The following CPNE4 variants were observed in gnomAD, a reference collection of about 807,000 sequenced individuals.
The protein encoded by CPNE4 is copine 4.
A neutral mutation model predicts 67.9 loss-of-function variants in CPNE4; 25 were observed. The ratio of observed to expected loss-of-function variants is 0.37; its 90% CI spans 0.27 to 0.51. The LOEUF (loss-of-function observed/expected upper bound fraction) is 0.51, where lower values mean the gene tolerates loss of function less well. Ranked by LOEUF, CPNE4 falls within the 20% of genes least tolerant of loss-of-function variation. The probability of loss-of-function intolerance (pLI) is 0.93; values close to 1 mark genes in which losing one functional copy is unlikely to be tolerated. For missense variants in CPNE4, 464 were observed against 690.8 expected, an observed-to-expected ratio of 0.67 and a Z score of 3.68; for synonymous variants, 242 against 244.9, an observed-to-expected ratio of 0.99 and a Z score of 0.11.
At chr3:131,789,098 T>A (rs1253011461) in intron 2 of CPNE4, among the ~76,000 whole-genome samples, 4 of 151,014 alleles carry the variant, frequency 2.6e-5, no homozygotes, top group Admixed American at 2.0e-4. Context: ...AAAGGAAACT[T>A]CCACCTGGTC....
chr3:131,564,475 A>G (rs1193215258), intron 10 of CPNE4, 126 bp from the exon 11 acceptor site: 1 of 839,330 alleles, frequency 1.2e-6, no homozygotes, highest in Admixed American at 2.9e-5. Flanking sequence ...CCTGCCAATA[A>G]AGAAAGAGAA....
At chr3:131,635,365 GT>G (rs1189188864) in intron 7 of CPNE4, among the ~76,000 whole-genome samples, 1 of 152,040 alleles carries the variant, frequency 6.6e-6, no homozygotes, top group Non-Finnish European at 1.5e-5. Flanking sequence ...CAATTTCTAA[GT>G]TTTCTAAATA....
chr3:131,819,491 TACAC>T (rs5852655), intron 2 of CPNE4, among the ~76,000 whole-genome samples: 34,533 of 146,126 alleles, frequency 0.24, 4,315 homozygotes, highest in Middle Eastern at 0.32. Context: ...CACACACAGA[TACAC>T]ACACACACAC....
At chr3:131,741,069 T>C (rs80143381) in intron 2 of CPNE4, among the ~76,000 whole-genome samples, 4,176 of 152,322 alleles carry the variant, frequency 0.027, 80 homozygotes, top group Non-Finnish European at 0.044. Flanking sequence ...GTAACATTAA[T>C]ATCTCCCTCT....
At chr3:132,005,342 TACACAC>T (rs71639016) in intron 1 of CPNE4, among the ~76,000 whole-genome samples, 22,562 of 84,818 alleles carry the variant, frequency 0.27, 3,672 homozygotes, top group East Asian at 0.48. Context: ...TATATATATA[TACACAC>T]ACACACACAC....
chr3:131,666,183 A>G (rs1162445400), intron 7 of CPNE4, among the ~76,000 whole-genome samples: 2 of 152,208 alleles, frequency 1.3e-5, no homozygotes, highest in African/African-American at 4.8e-5. Flanking sequence ...AAGAGACAGG[A>G]ATGGAAGTTA....
At chr3:131,623,520 T>C (rs1467567791) in intron 7 of CPNE4, among the ~76,000 whole-genome samples, 1 of 152,190 alleles carries the variant, frequency 6.6e-6, no homozygotes, top group Non-Finnish European at 1.5e-5. Context: ...TGACTAGACT[T>C]CACCTCCTTA....
In CPNE4 at chr3:131,596,665, A is replaced by G. The variant is rs148119310; in HGVS notation, c.682-9083T>C. ...AAAAAAAAAAAAATTAAGTAAAGCA[A>G]ATTTTTTTCAATAATCTGGATGGGC... On this transcript the variant is annotated intron_variant, in intron 7 of 15. Transcript: ENST00000429747. Among the ~76,000 whole-genome samples the G allele has an allele frequency of 2.1e-4, 31 of 151,138 alleles. 1 individual carries two copies. The highest frequency in any genetic ancestry group is 5.8e-4 in the African/African-American group (24 of 41,114).
At chr3:131,801,434 G>A (rs1434094641) in intron 2 of CPNE4, among the ~76,000 whole-genome samples, 1 of 88,466 alleles carries the variant, frequency 1.1e-5, no homozygotes, top group Admixed American at 1.1e-4. Context: ...GTGTGTGTGT[G>A]TGTGTGTGTG....
intron 3 of CPNE4, among the ~76,000 whole-genome samples, chr3:131,717,965 T>TTCTCTCTCTCTGTCTCTC (rs1470965301): frequency 2.7e-5 from 4 of 149,366 alleles, no homozygotes; most frequent in African/African-American, 1.0e-4. Flanking sequence ...CTCTCTTTCT[T>TTCTCTCTCTCTGTCTCTC]TCTCTCTCTC....
At chr3:131,607,758 A>G (rs1184003201) in intron 7 of CPNE4, among the ~76,000 whole-genome samples, 2 of 152,190 alleles carry the variant, frequency 1.3e-5, no homozygotes, top group South Asian at 2.1e-4. Flanking sequence ...CCTCAAATAC[A>G]TTTGGATTAC....
intron 1 of CPNE4, among the ~76,000 whole-genome samples, chr3:131,952,396 T>C (rs1419225437): frequency 2.9e-5 from 4 of 135,652 alleles, no homozygotes; most frequent in Non-Finnish European, 4.8e-5. Context: ...GTGAGGAGCC[T>C]CTCCGCCCGG....
chr3:131,950,256 A>T (rs73871538), intron 1 of CPNE4, among the ~76,000 whole-genome samples: 255 of 152,364 alleles, frequency 1.7e-3, no homozygotes, highest in African/African-American at 5.6e-3. Flanking sequence ...CAGTGAACTC[A>T]CAGCCACTTA....
At chr3:131,948,429 G>A (rs2071623970) in intron 1 of CPNE4, among the ~76,000 whole-genome samples, 1 of 152,196 alleles carries the variant, frequency 6.6e-6, no homozygotes, top group African/African-American at 2.4e-5. Context: ...CCCCAGCAAT[G>A]CGGAACTGTG....
At chr3:131,914,484 T>C (rs1286877874) in intron 1 of CPNE4, among the ~76,000 whole-genome samples, 4 of 152,158 alleles carry the variant, frequency 2.6e-5, no homozygotes, top group African/African-American at 9.7e-5. Flanking sequence ...GAGAGTCCTT[T>C]ATTTTGTAAA....
At chr3:131,538,927 T>C (rs578043919) in intron 15 of CPNE4, 2 of 152,352 alleles carry the variant, frequency 1.3e-5, no homozygotes, top group Admixed American at 1.3e-4. Flanking sequence ...ATGAGCCAAA[T>C]ACACTTCTGT....
At chr3:131,653,281 A>T (rs2079859828) in intron 7 of CPNE4, among the ~76,000 whole-genome samples, 1 of 150,724 alleles carries the variant, frequency 6.6e-6, no homozygotes. Context: ...AGTAGCTGGG[A>T]CTAGAGGTTC....
In CPNE4 at chr3:131,535,436, A is replaced by G. The variant is rs929176135; in HGVS notation, c.1540-107T>C. The G allele has an allele frequency of 1.1e-5, 13 of 1,155,770 alleles. No homozygotes were observed. In the South Asian group the frequency reaches 2.3e-4, roughly 20 times the overall value. The allele number at this position is 1,155,770 out of a possible 1,614,324, so 71.6% of individuals were successfully genotyped here. A position where few individuals can be genotyped will look rare whatever the true frequency, so the allele number is the denominator to read the frequency against. ...GGGCAGCTAAGTTTCATTCACTTTCATTCATTCGTTATTTGTCAAGGGTCT... is the reference window on the plus strand; with the variant it reads ...GGGCAGCTAAGTTTCATTCACTTTCGTTCATTCGTTATTTGTCAAGGGTCT... On this transcript the variant is annotated intron_variant, in intron 15 of 15. Transcript: ENST00000429747.
At chr3:131,965,968 C>T (rs534894342) in intron 1 of CPNE4, among the ~76,000 whole-genome samples, 44 of 152,102 alleles carry the variant, frequency 2.9e-4, no homozygotes, top group Non-Finnish European at 4.4e-4. Context: ...CCACATAATT[C>T]GAAGTAAAAC....
Sources: allele counts gnomAD v4.1 joint callset (sites outside exome capture counted in the v4.1 genomes callset), GRCh38; gene constraint gnomAD v4.1.1; transcripts MANE v1.5; gene names NCBI Gene and HGNC (gene_info 2026-07-23, HGNC 2026-07-21).